The following MRGPRD variants were observed in gnomAD, a reference collection of about 807,000 sequenced individuals.
MRGPRD encodes the protein mas-related G protein-coupled receptor member D.
For synonymous variants in MRGPRD, 185 were observed against 183.9 expected (o/e 1.01, Z -0.05); for missense variants, 392 against 413.4 (o/e 0.95, Z 0.45).
chr11:68,980,123 G>A lies in MRGPRD; in HGVS notation c.864C>T (p.Pro288=). 4 of 1,571,528 alleles carry A rather than the reference G, an allele frequency of 2.5e-6. No homozygotes were observed. Among genetic ancestry groups the A allele is most frequent in the Non-Finnish European group, 3.4e-6 (4 of 1,167,170 alleles). Residue 288 remains proline, a synonymous_variant, in exon 1 of 1, where the codon CCC becomes CCT. Coordinates refer to ENST00000309106, the MANE Select transcript of MRGPRD (RefSeq NM_198923.2). The surrounding 1 kb of genome is among the most constrained non-coding windows in gnomAD (Gnocchi z 4.4). ...LVGSRRSHRL[P]TRSLGTVLQQ... is the part of the protein sequence containing the mutation. ...GGAGCACAGTCCCCAGGGACCTGGT[G>A]GGCAGCCTGTGGCTCCTCCGGCTGC...
In MRGPRD at chr11:68,980,964, C is replaced by G; in HGVS notation, c.23G>C (p.Ser8Thr). The part of the protein sequence containing the change: MNQTLNS[S>T]GTVESALNYS... ...GTTTAGGGCTGACTCCACGGTCCCA[C>G]TGCTATTCAAAGTCTGGTTCATCCC... Residue 8 changes from serine (S) to threonine (T), a missense_variant, in exon 1 of 1, where the codon AGT (serine) becomes ACT (threonine). Coordinates refer to ENST00000309106, the MANE Select transcript of MRGPRD (RefSeq NM_198923.2). This position sits in a 1 kb window ranked among gnomAD's most constrained non-coding sequence, Gnocchi z 4.4. 6.4e-7 allele frequency: 1 copy of G among 1,558,720 alleles called. No individual in the cohort carries two copies. The highest frequency in any genetic ancestry group is 8.7e-7 in the Non-Finnish European group (1 of 1,150,154).
chr11:68,980,377 A>G lies in MRGPRD; in HGVS notation c.610T>C (p.Trp204Arg), dbSNP rs2154011243. ...CACTGCTGGGAGCTCCTCCGCACCCAGACAAAGAGGGTCAGGCTGGACAGA... is the reference window on the plus strand; with the variant it reads ...CACTGCTGGGAGCTCCTCCGCACCCGGACAAAGAGGGTCAGGCTGGACAGA... ...MTLSSLTLFVWVRRSSQQWRR... is the reference protein window; with the variant it reads ...MTLSSLTLFVRVRRSSQQWRR... The change falls in exon 1 of 1, where the codon TGG (tryptophan) becomes CGG (arginine). Residue 204 changes from tryptophan to arginine, a missense_variant. By Grantham distance (101) the Trp-to-Arg change is moderately radical (BLOSUM62 -3). Transcript: ENST00000309106. This position sits in a 1 kb window ranked among gnomAD's most constrained non-coding sequence, Gnocchi z 4.4. 6.2e-7 allele frequency: 1 copy of G among 1,613,658 alleles called. No homozygotes were observed.
At position 68,980,474 on chromosome 11, in the gene MRGPRD, A is replaced by G. The variant is rs144519851; in HGVS notation, c.513T>C (p.Asn171=). 4 of 1,614,128 alleles carry G rather than the reference A, an allele frequency of 2.5e-6. No individual in the cohort carries two copies. The highest frequency in any genetic ancestry group is 3.4e-6 in the Non-Finnish European group (4 of 1,180,018). ...SSFCSKFLKF[N]EDRCFRVDMV... Reference sequence around the variant, plus strand: ...TGTCCACCCTGAAGCACCGATCTTCATTGAATTTCAAGAACTTGCTGCAGA... The same window carrying G: ...TGTCCACCCTGAAGCACCGATCTTCGTTGAATTTCAAGAACTTGCTGCAGA... The change falls in exon 1 of 1, where the codon AAT becomes AAC. Residue 171 remains asparagine (N), a synonymous_variant. Transcript: ENST00000309106. This position sits in a 1 kb window ranked among gnomAD's most constrained non-coding sequence, Gnocchi z 4.4.
In MRGPRD at chr11:68,980,642, C is replaced by G; in HGVS notation, c.345G>C (p.Leu115=). 1 of 1,614,108 alleles carries G rather than the reference C, an allele frequency of 6.2e-7. No individual in the cohort carries two copies. The highest frequency in any genetic ancestry group is 8.5e-7 in the Non-Finnish European group (1 of 1,180,030). ...AGCGCTGGGTGCTGATGGCCGTCAG[C>G]AGGCTCAGGCCCACTGTGTAGGCAA... ...MYFAYTVGLS[L]LTAISTQRCL... is the part of the protein sequence containing the mutation. The change falls in exon 1 of 1, where the codon CTG becomes CTC. Residue 115 remains leucine, a synonymous_variant. Coordinates refer to ENST00000309106, the MANE Select transcript of MRGPRD (RefSeq NM_198923.2). This position sits in a 1 kb window ranked among gnomAD's most constrained non-coding sequence, Gnocchi z 4.4.
rs200393238 is a variant in MRGPRD, at chr11:68,980,229, A to C, written c.758T>G (p.Met253Arg). The part of the protein sequence containing the change: ...VLYWLSLPPE[M>R]QVLCFSLSRL... ...TGACAAGCTGAAGCACAGGACCTGCATCTCGGGCGGCAGGCTCAACCAGTA... is the reference window on the plus strand; with the variant it reads ...TGACAAGCTGAAGCACAGGACCTGCCTCTCGGGCGGCAGGCTCAACCAGTA... The change falls in exon 1 of 1, where the codon ATG becomes AGG. Residue 253 changes from methionine to arginine, a missense_variant. Met to Arg is a moderately conservative substitution (Grantham distance 91). Transcript: ENST00000309106. This position sits in a 1 kb window ranked among gnomAD's most constrained non-coding sequence, Gnocchi z 4.4. 6.2e-7 allele frequency: 1 copy of C among 1,612,076 alleles called. No individual in the cohort carries two copies. The highest frequency in any genetic ancestry group is 2.2e-5 in the East Asian group (1 of 44,848).
rs754010432 is a variant in MRGPRD, at chr11:68,980,409, A to C, written c.578T>G (p.Val193Gly). The change falls in exon 1 of 1, where the codon GTG becomes GGG. Residue 193 changes from valine (V) to glycine (G), a missense_variant. Coordinates refer to ENST00000309106, the MANE Select transcript of MRGPRD (RefSeq NM_198923.2). This position sits in a 1 kb window ranked among gnomAD's most constrained non-coding sequence, Gnocchi z 4.4. ...AALIMGVLTP[V>G]MTLSSLTLFV... ...GAGGGTCAGGCTGGACAGAGTCATC[A>C]CTGGGGTTAAGACCCCCATGATGAG... 1.2e-6 allele frequency: 2 copies of C among 1,613,860 alleles called. No individual in the cohort carries two copies. The highest frequency in any genetic ancestry group is 2.2e-5 in the East Asian group (1 of 44,852).
In MRGPRD at chr11:68,980,977, T is replaced by C. The variant is rs765457533; in HGVS notation, c.10A>G (p.Thr4Ala). Residue 4 changes from threonine (T) to alanine (A), a missense_variant, in exon 1 of 1, where the codon ACT becomes GCT. Coordinates refer to ENST00000309106, the MANE Select transcript of MRGPRD (RefSeq NM_198923.2). The surrounding 1 kb of genome is among the most constrained non-coding windows in gnomAD (Gnocchi z 4.4). Reference protein sequence around the residue: MNQTLNSSGTVESA... With the variant: MNQALNSSGTVESA... ...TCCACGGTCCCACTGCTATTCAAAG[T>C]CTGGTTCATCCCTACGAGAGGAAGA... is the stretch of plus-strand genomic sequence containing the variant. 1.3e-6 allele frequency: 2 copies of C among 1,548,920 alleles called. No homozygotes were observed. Among genetic ancestry groups the C allele is most frequent in the South Asian group, 1.2e-5 (1 of 80,778 alleles).
At chr11:68,980,411 TGG>T in the MRGPRD span, 1 of 1,613,828 alleles carries the variant, frequency 6.2e-7, no homozygotes, top group African/African-American at 1.3e-5. The surrounding 1 kb of genome is among the most constrained non-coding windows in gnomAD (Gnocchi z 4.4). Flanking sequence ...GAGTCATCAC[TGG>T]GGTTAAGACC....
In MRGPRD at chr11:68,980,109, C is replaced by T. The variant is rs888112702; in HGVS notation, c.878G>A (p.Gly293Glu). The T allele has an allele frequency of 2.6e-6, 4 of 1,565,814 alleles. No homozygotes were observed. Among genetic ancestry groups the T allele is most frequent in the African/African-American group, 1.4e-5 (1 of 72,088 alleles). The change falls in exon 1 of 1, where the codon GGG becomes GAG. Residue 293 changes from glycine to glutamate, a missense_variant. Physicochemically the swap from Gly to Glu is moderately conservative, Grantham distance 98 (BLOSUM62 -2). Transcript: ENST00000309106. The surrounding 1 kb of genome is among the most constrained non-coding windows in gnomAD (Gnocchi z 4.4). Reference protein sequence around the residue: ...RSHRLPTRSLGTVLQQALREE... With the variant: ...RSHRLPTRSLETVLQQALREE... Reference sequence around the variant, plus strand: ...GCGAAGCGCCTGTTGGAGCACAGTCCCCAGGGACCTGGTGGGCAGCCTGTG... The same window carrying T: ...GCGAAGCGCCTGTTGGAGCACAGTCTCCAGGGACCTGGTGGGCAGCCTGTG...
Position 68,980,809 on chromosome 11 carries a change from G to T in MRGPRD, c.178C>A (p.Pro60Thr). The T allele has an allele frequency of 6.2e-7, 1 of 1,614,022 alleles. No homozygotes were observed. The highest frequency in any genetic ancestry group is 8.5e-7 in the Non-Finnish European group (1 of 1,180,028). ...WLLGFRMHRN[P>T]FCIYILNLAA... Reference sequence around the variant, plus strand: ...AGGTTGAGGATATAGATGCAGAAGGGGTTCCTGTGCATTCGAAAGCCCAGC... The same window carrying T: ...AGGTTGAGGATATAGATGCAGAAGGTGTTCCTGTGCATTCGAAAGCCCAGC... The change falls in exon 1 of 1, where the codon CCC (proline) becomes ACC (threonine). Residue 60 changes from proline to threonine, a missense_variant. By Grantham distance (38) the Pro-to-Thr change is conservative. Transcript: ENST00000309106. The surrounding 1 kb of genome is among the most constrained non-coding windows in gnomAD (Gnocchi z 4.4).
chr11:68,980,661 T>C lies in MRGPRD; in HGVS notation c.326A>G (p.Tyr109Cys). The C allele has an allele frequency of 6.2e-7, 1 of 1,614,038 alleles. No individual in the cohort carries two copies. The highest frequency in any genetic ancestry group is 1.1e-5 in the South Asian group (1 of 91,074). The change falls in exon 1 of 1, where the codon TAC (tyrosine) becomes TGC (cysteine). Residue 109 changes from tyrosine (Y) to cysteine (C), a missense_variant. Physicochemically the swap from Tyr to Cys is radical, Grantham distance 194. Transcript: ENST00000309106. The surrounding 1 kb of genome is among the most constrained non-coding windows in gnomAD (Gnocchi z 4.4). ...ELMKRLMYFA[Y>C]TVGLSLLTAI... ...CGTCAGCAGGCTCAGGCCCACTGTG[T>C]AGGCAAAGTACATCAGTCTCTTCAT...
chr11:68,980,090 C>A lies in MRGPRD; in HGVS notation c.897G>T (p.Ala299=), dbSNP rs375350122. 1.3e-6 allele frequency: 2 copies of A among 1,541,984 alleles called. No individual in the cohort carries two copies. The highest frequency in any genetic ancestry group is 1.7e-6 in the Non-Finnish European group (2 of 1,150,162). ...TRSLGTVLQQ[A]LREEPELEGG... is the part of the protein sequence containing the mutation. ...CTTCCAGCTCGGGCTCCTCGCGAAG[C>A]GCCTGTTGGAGCACAGTCCCCAGGG... is the stretch of plus-strand genomic sequence containing the variant. The change falls in exon 1 of 1, where the codon GCG becomes GCT. Residue 299 remains alanine, a synonymous_variant. Transcript: ENST00000309106. The surrounding 1 kb of genome is among the most constrained non-coding windows in gnomAD (Gnocchi z 4.4).
chr11:68,980,441 C>T lies in MRGPRD; in HGVS notation c.546G>A (p.Gln182=). ...TTAAGACCCCCATGATGAGGGCGGC[C>T]TGGACCATGTCCACCCTGAAGCACC... ...EDRCFRVDMV[Q]AALIMGVLTP... Residue 182 remains glutamine, a synonymous_variant, in exon 1 of 1, where the codon CAG becomes CAA. Coordinates refer to ENST00000309106, the MANE Select transcript of MRGPRD (RefSeq NM_198923.2). The surrounding 1 kb of genome is among the most constrained non-coding windows in gnomAD (Gnocchi z 4.4). The T allele has an allele frequency of 6.2e-7, 1 of 1,613,998 alleles. No homozygotes were observed. Among genetic ancestry groups the T allele is most frequent in the Non-Finnish European group, 8.5e-7 (1 of 1,179,968 alleles).
In MRGPRD at chr11:68,980,731, C is replaced by T; in HGVS notation, c.256G>A (p.Glu86Lys). The T allele has an allele frequency of 1.2e-6, 2 of 1,613,486 alleles. No homozygotes were observed. Among genetic ancestry groups the T allele is most frequent in the East Asian group, 2.2e-5 (1 of 44,872 alleles). ...GTGGTATTGACCAGGGGCTGGGTTTCCAGGCTGAGCGTGGAAGCCATGCTG... is the reference window on the plus strand; with the variant it reads ...GTGGTATTGACCAGGGGCTGGGTTTTCAGGCTGAGCGTGGAAGCCATGCTG... ...LFSMASTLSL[E>K]TQPLVNTTDK... Residue 86 changes from glutamate to lysine, a missense_variant, in exon 1 of 1, where the codon GAA (glutamate) becomes AAA (lysine). Transcript: ENST00000309106. This position sits in a 1 kb window ranked among gnomAD's most constrained non-coding sequence, Gnocchi z 4.4.
At position 68,980,425 on chromosome 11, in the gene MRGPRD, C is replaced by T. The variant is rs138408286; in HGVS notation, c.562G>A (p.Gly188Arg). ...AGAGTCATCACTGGGGTTAAGACCC[C>T]CATGATGAGGGCGGCCTGGACCATG... Reference protein sequence around the residue: ...VDMVQAALIMGVLTPVMTLSS... With the variant: ...VDMVQAALIMRVLTPVMTLSS... Residue 188 changes from glycine to arginine, a missense_variant, in exon 1 of 1, where the codon GGG becomes AGG. Gly to Arg is a moderately radical substitution (Grantham distance 125). Coordinates refer to ENST00000309106, the MANE Select transcript of MRGPRD (RefSeq NM_198923.2). This position sits in a 1 kb window ranked among gnomAD's most constrained non-coding sequence, Gnocchi z 4.4. 1.2e-4 allele frequency: 198 copies of T among 1,613,860 alleles called. 1 individual carries two copies. Among genetic ancestry groups the T allele is most frequent in the South Asian group, 4.4e-4 (40 of 91,038 alleles).
In MRGPRD at chr11:68,980,029, C is replaced by A; in HGVS notation, c.958G>T (p.Gly320Trp). The change falls in exon 1 of 1, where the codon GGG (glycine) becomes TGG (tryptophan). Residue 320 changes from glycine to tryptophan, a missense_variant. Physicochemically the swap from Gly to Trp is radical, Grantham distance 184 (BLOSUM62 -2). Transcript: ENST00000309106. The surrounding 1 kb of genome is among the most constrained non-coding windows in gnomAD (Gnocchi z 4.4). ...ETPTVGTNEM[G>W]A Reference sequence around the variant, plus strand: ...GCACCTGTGGGCGGCTCTCAAGCCCCCATCTCATTGGTGCCCACGGTGGGC... The same window carrying A: ...GCACCTGTGGGCGGCTCTCAAGCCCACATCTCATTGGTGCCCACGGTGGGC... 4.6e-6 allele frequency: 7 copies of A among 1,509,072 alleles called. No individual in the cohort carries two copies. Among genetic ancestry groups the A allele is most frequent in the Non-Finnish European group, 4.4e-6 (5 of 1,132,864 alleles). The allele number at this position is 1,509,072 out of a possible 1,614,324, so 93.5% of individuals were successfully genotyped here.
At position 68,980,093 on chromosome 11, in the gene MRGPRD, C is replaced by A; in HGVS notation, c.894G>T (p.Gln298His). The A allele has an allele frequency of 6.5e-7, 1 of 1,548,608 alleles. No individual in the cohort carries two copies. The highest frequency in any genetic ancestry group is 8.7e-7 in the Non-Finnish European group (1 of 1,154,366). ...PTRSLGTVLQQALREEPELEG... is the reference protein window; with the variant it reads ...PTRSLGTVLQHALREEPELEG... Reference sequence around the variant, plus strand: ...CCAGCTCGGGCTCCTCGCGAAGCGCCTGTTGGAGCACAGTCCCCAGGGACC... The same window carrying A: ...CCAGCTCGGGCTCCTCGCGAAGCGCATGTTGGAGCACAGTCCCCAGGGACC... Residue 298 changes from glutamine to histidine, a missense_variant, in exon 1 of 1, where the codon CAG (glutamine) becomes CAT (histidine). Gln to His is a conservative substitution (Grantham distance 24, BLOSUM62 0). Coordinates refer to ENST00000309106, the MANE Select transcript of MRGPRD (RefSeq NM_198923.2). This position sits in a 1 kb window ranked among gnomAD's most constrained non-coding sequence, Gnocchi z 4.4.
At position 68,980,781 on chromosome 11, in the gene MRGPRD, G is replaced by A. The variant is rs760284822; in HGVS notation, c.206C>T (p.Ala69Val). ...NPFCIYILNL[A>V]AADLLFLFSM... is the part of the protein sequence containing the mutation. ...GAAGAGGAAGAGGAGGTCGGCTGCC[G>A]CCAGGTTGAGGATATAGATGCAGAA... Residue 69 changes from alanine to valine, a missense_variant, in exon 1 of 1, where the codon GCG (alanine) becomes GTG (valine). Coordinates refer to ENST00000309106, the MANE Select transcript of MRGPRD (RefSeq NM_198923.2). The surrounding 1 kb of genome is among the most constrained non-coding windows in gnomAD (Gnocchi z 4.4). 47 of 1,613,694 alleles carry A rather than the reference G, an allele frequency of 2.9e-5. No homozygotes were observed. The highest frequency in any genetic ancestry group is 1.1e-4 in the African/African-American group (8 of 74,916).
rs1860179684 is a variant in MRGPRD, at chr11:68,980,363, G to A, written c.624C>T (p.Ser208=). The change falls in exon 1 of 1, where the codon AGC becomes AGT. Residue 208 remains serine, a synonymous_variant. Transcript: ENST00000309106. The surrounding 1 kb of genome is among the most constrained non-coding windows in gnomAD (Gnocchi z 4.4). ...SLTLFVWVRR[S]SQQWRRQPTR... ...TGGGCTGCCGCCGCCACTGCTGGGA[G>A]CTCCTCCGCACCCAGACAAAGAGGG... 4 of 1,613,562 alleles carry A rather than the reference G, an allele frequency of 2.5e-6. No homozygotes were observed. Among genetic ancestry groups the A allele is most frequent in the Middle Eastern group, 1.6e-4 (1 of 6,082 alleles).
Sources: gnomAD v4.1 joint callset for allele counts on GRCh38, gnomAD v4.1.1 for gene constraint, Gnocchi (gnomAD v3.1) non-coding constraint, MANE v1.5 for transcripts, NCBI Gene and HGNC (gene_info 2026-07-23, HGNC 2026-07-21) for gene names.